The following XKR4 variants were observed in gnomAD, a reference collection of about 807,000 sequenced individuals.
XKR4 encodes XK-related protein 4.
A neutral mutation model predicts 53.9 loss-of-function variants in XKR4; 12 were observed. The ratio of observed to expected loss-of-function variants is 0.22; its 90% CI spans 0.14 to 0.36. XKR4 has a LOEUF of 0.36. Ranked by LOEUF, XKR4 falls within the 10% of genes least tolerant of loss-of-function variation. The pLI is 1.00. For missense variants in XKR4, 799 were observed against 859.5 expected (o/e 0.93, Z 0.88); for synonymous variants, 354 against 362.4 (o/e 0.98, Z 0.26).
At chr8:55,246,852 G>C (rs1173779603) in intron 1 of XKR4, among the ~76,000 whole-genome samples, 2 of 151,620 alleles carry the variant, frequency 1.3e-5, no homozygotes, top group Non-Finnish European at 2.9e-5. Context: ...AATAATGAGA[G>C]CTGCCACAGG....
intron 1 of XKR4, among the ~76,000 whole-genome samples, chr8:55,343,547 C>T (rs1167640694): frequency 2.0e-5 from 3 of 152,128 alleles, no homozygotes; most frequent in African/African-American, 7.2e-5. Flanking sequence ...AACTGTAGAC[C>T]AAACCTGCCA....
rs1480517159 is a variant in XKR4 at position 55,530,825 on chromosome 8, C to A, written c.*6598C>A. The A allele has an allele frequency of 2.0e-5, 3 of 152,036 alleles. No individual in the cohort carries two copies. The highest frequency in any genetic ancestry group is 4.4e-5 in the Non-Finnish European group (3 of 68,000). 9.4% of individuals were successfully genotyped at this position (152,036 alleles called of 1,614,324 possible). A position where few individuals can be genotyped will look rare whatever the true frequency, so the allele number is the denominator to read the frequency against. On this transcript the variant is annotated 3_prime_UTR_variant, in exon 3 of 3. Transcript: ENST00000327381. ...TGAGACAACTGAGATCCAAAAAGAA[C>A]AGGTAATTTTTGTGATCAGGATTAC...
rs1044752373 is a variant in XKR4, at chr8:55,530,464, TC to T, written c.*6238del. 1.3e-5 allele frequency: 2 copies of T among 152,202 alleles called. No individual in the cohort carries two copies. The highest frequency in any genetic ancestry group is 4.8e-5 in the African/African-American group (2 of 41,452). The allele number at this position is 152,202 out of a possible 1,614,324, so 9.4% of individuals were successfully genotyped here. The stretch of plus-strand genomic sequence containing the variant: ...AAAATAATTGATGTGTTCTTTCCCT[TC>T]TCACTTTAGATATAGCATGTCTGAA... On this transcript the variant is annotated 3_prime_UTR_variant, in exon 3 of 3. Transcript: ENST00000327381.
intron 2 of XKR4, among the ~76,000 whole-genome samples, chr8:55,417,130 G>T (rs1804863362): frequency 6.6e-6 from 1 of 152,122 alleles, no homozygotes; most frequent in African/African-American, 2.4e-5. Flanking sequence ...GAGAACCATT[G>T]TCGTCGTGGG....
At chr8:55,467,990 T>G (rs777041248) in intron 2 of XKR4, among the ~76,000 whole-genome samples, 1 of 152,192 alleles carries the variant, frequency 6.6e-6, no homozygotes, top group Non-Finnish European at 1.5e-5. Context: ...TAATCAGATC[T>G]ATTAACATTT....
intron 1 of XKR4, among the ~76,000 whole-genome samples, chr8:55,151,734 C>CA (rs1257537365): frequency 1.3e-5 from 2 of 152,164 alleles, no homozygotes; most frequent in Non-Finnish European, 2.9e-5. Context: ...AATGCAGAGA[C>CA]AGAGACAGGT....
chr8:55,224,243 C>T (rs1031293051), intron 1 of XKR4, among the ~76,000 whole-genome samples: 10 of 152,060 alleles, frequency 6.6e-5, no homozygotes, highest in African/African-American at 2.4e-4. Flanking sequence ...TAAATTTCTA[C>T]CTTTTAAAAT....
Position 55,174,347 on chromosome 8 carries a change from C to G in XKR4, c.806+71053C>G, listed in dbSNP as rs139032688. On this transcript the variant is annotated intron_variant, in intron 1 of 2. Transcript: ENST00000327381. ...AAGCAGTTGTTTAAATGGACCTTGACTCCACCTAAAAGAAGAGTATAGCTG... is the reference window on the plus strand; with the variant it reads ...AAGCAGTTGTTTAAATGGACCTTGAGTCCACCTAAAAGAAGAGTATAGCTG... Among the ~76,000 whole-genome samples, 398 of 152,256 alleles carry G rather than the reference C, an allele frequency of 2.6e-3. 1 individual carries two copies. Among genetic ancestry groups the G allele is most frequent in the African/African-American group, 8.3e-3 (345 of 41,532 alleles).
At chr8:55,233,552 C>T (rs1818075617) in intron 1 of XKR4, among the ~76,000 whole-genome samples, 1 of 152,244 alleles carries the variant, frequency 6.6e-6, no homozygotes. Context: ...ATGCCAGGCA[C>T]ACAGAGCATG....
intron 1 of XKR4, among the ~76,000 whole-genome samples, chr8:55,322,853 C>T (rs545724289): frequency 6.6e-6 from 1 of 152,294 alleles, no homozygotes; most frequent in Non-Finnish European, 1.5e-5. Context: ...TCAAAAATGG[C>T]AACTCTGTTT....
At chr8:55,405,448 A>G (rs1563342244) in intron 2 of XKR4, among the ~76,000 whole-genome samples, 2 of 152,328 alleles carry the variant, frequency 1.3e-5, no homozygotes, top group East Asian at 3.9e-4. Context: ...CACCTTGTTT[A>G]TGGTGAGGAG....
intron 2 of XKR4, among the ~76,000 whole-genome samples, chr8:55,381,922 A>G (rs537101793): frequency 3.3e-5 from 5 of 152,374 alleles, no homozygotes; most frequent in African/African-American, 9.6e-5. Flanking sequence ...ACTGAGATCC[A>G]GGAGGTTAAA....
At chr8:55,504,413 C>T (rs1806493910) in intron 2 of XKR4, among the ~76,000 whole-genome samples, 1 of 151,416 alleles carries the variant, frequency 6.6e-6, no homozygotes, top group Non-Finnish European at 1.5e-5. Flanking sequence ...TGGGGTTTCA[C>T]CATGTTGGCC....
chr8:55,447,178 C>T (rs546826020), intron 2 of XKR4, among the ~76,000 whole-genome samples: 3 of 152,076 alleles, frequency 2.0e-5, no homozygotes, highest in East Asian at 1.9e-4. Flanking sequence ...AGCCAAGAAA[C>T]CATCAAAGCT....
intron 2 of XKR4, among the ~76,000 whole-genome samples, chr8:55,417,275 C>T (rs1804865289): frequency 6.6e-6 from 1 of 152,226 alleles, no homozygotes; most frequent in Non-Finnish European, 1.5e-5. Flanking sequence ...CCTTACAGCC[C>T]ATTCTGCACC....
At chr8:55,404,336 T>TA (rs1264003317) in intron 2 of XKR4, among the ~76,000 whole-genome samples, 2 of 152,152 alleles carry the variant, frequency 1.3e-5, no homozygotes, top group South Asian at 2.1e-4. Flanking sequence ...AATTTTATAA[T>TA]AAAAAATATT....
In XKR4 at chr8:55,125,548, C is replaced by T. The variant is rs552774604; in HGVS notation, c.806+22254C>T. 7.9e-5 allele frequency among the ~76,000 whole-genome samples: 12 copies of T among 152,252 alleles called. No individual in the cohort carries two copies. In the South Asian group the frequency reaches 2.1e-3, roughly 26 times the overall value. ...CATGCCCAGCCTTGGTTTTTTATTTCTTCACAAACATTGCCCATTAATATG... is the reference window on the plus strand; with the variant it reads ...CATGCCCAGCCTTGGTTTTTTATTTTTTCACAAACATTGCCCATTAATATG... On this transcript the variant is annotated intron_variant, in intron 1 of 2. Transcript: ENST00000327381.
intron 2 of XKR4, among the ~76,000 whole-genome samples, chr8:55,442,814 TAGAG>T (rs1337207085): frequency 1.3e-5 from 2 of 152,164 alleles, no homozygotes; most frequent in East Asian, 1.9e-4. Context: ...TGCAATGGGC[TAGAG>T]AGAAAGAGGC....
At chr8:55,235,955 G>C (rs535702551) in intron 1 of XKR4, among the ~76,000 whole-genome samples, 1 of 152,184 alleles carries the variant, frequency 6.6e-6, no homozygotes, top group Non-Finnish European at 1.5e-5. Context: ...GCCAGCTCAG[G>C]CCTCTCTGCA....
Sources: allele counts gnomAD v4.1 joint callset (sites outside exome capture counted in the v4.1 genomes callset), GRCh38; gene constraint gnomAD v4.1.1; transcripts MANE v1.5; gene names NCBI Gene and HGNC (gene_info 2026-07-23, HGNC 2026-07-21).